PTCD3: variants seen among roughly 807,000 people sequenced by gnomAD.
The protein encoded by PTCD3 is pentatricopeptide repeat domain 3.
A neutral mutation model predicts 101.9 loss-of-function variants in PTCD3; 89 were observed. That is an observed-to-expected ratio of 0.87 (90% CI 0.74 to 1.04). The LOEUF is 1.04. PTCD3 is among the 50% of genes least tolerant of loss of function. The pLI, the probability that PTCD3 is intolerant of heterozygous loss-of-function variation, is 0.00. For synonymous variants in PTCD3, 296 were observed against 278.5 expected (o/e 1.06, Z -0.63); for missense variants, 870 against 828.2 (o/e 1.05, Z -0.62).
chr2:86,135,084 A>T, intron 21 of PTCD3, 97 bp downstream of exon 21: 1 of 1,356,196 alleles, frequency 7.4e-7, no homozygotes, highest in Non-Finnish European at 1.0e-6. Context: ...TTGGCCACAT[A>T]ACACGTATTT....
chr2:86,120,406 T>A (rs1453631745), intron 7 of PTCD3, among the ~76,000 whole-genome samples: 1 of 152,138 alleles, frequency 6.6e-6, no homozygotes, highest in Non-Finnish European at 1.5e-5. Flanking sequence ...AATTCTACAA[T>A]ACCTTATTCA....
chr2:86,120,321 G>A (rs898453461), intron 7 of PTCD3, among the ~76,000 whole-genome samples: 1 of 152,142 alleles, frequency 6.6e-6, no homozygotes, highest in Non-Finnish European at 1.5e-5. Flanking sequence ...AACATACCAG[G>A]GAAAGGATCC....
At chr2:86,116,365 C>T (rs549070024) in intron 4 of PTCD3, among the ~76,000 whole-genome samples, 165 bp from the exon 5 acceptor site, 28 of 152,234 alleles carry the variant, frequency 1.8e-4, no homozygotes, top group Admixed American at 3.3e-4. Flanking sequence ...GCAAGACACC[C>T]TCTCTGCAAA....
intron 10 of PTCD3, 137 bp downstream of exon 10, chr2:86,125,219 G>C: frequency 7.2e-7 from 1 of 1,396,910 alleles, no homozygotes; most frequent in Non-Finnish European, 9.5e-7. Flanking sequence ...TAGCTCCCTG[G>C]CTTCTACCCA....
Position 86,141,047 on chromosome 2 carries a change from A to G in PTCD3, c.*3488A>G, listed in dbSNP as rs1163438311. ...AGAGTGTCCAAGAGGAGTAAAGGTCATGACAGAATTTACTCCCAGGACAAT... is the reference window on the plus strand; with the variant it reads ...AGAGTGTCCAAGAGGAGTAAAGGTCGTGACAGAATTTACTCCCAGGACAAT... On this transcript the variant is annotated 3_prime_UTR_variant, in exon 24 of 24. Coordinates refer to ENST00000254630, the MANE Select transcript of PTCD3 (RefSeq NM_017952.6). The G allele has an allele frequency of 6.6e-6, 1 of 150,838 alleles. No homozygotes were observed. The highest frequency in any genetic ancestry group is 2.5e-5 in the African/African-American group (1 of 40,114). The allele number at this position is 150,838 out of a possible 1,614,324, so 9.3% of individuals were successfully genotyped here. A position where few individuals can be genotyped will look rare whatever the true frequency, so the allele number is the denominator to read the frequency against.
Position 86,106,285 on chromosome 2 carries a change from G to C in PTCD3, c.38G>C (p.Arg13Pro), listed in dbSNP as rs764621355. The change falls in exon 1 of 24, where the codon CGC (arginine) becomes CCC (proline). Residue 13 changes from arginine (R) to proline (P), a missense_variant. Arg to Pro is a moderately radical substitution (Grantham distance 103). Transcript: ENST00000254630. ...VVSAVRWLGL[R>P]SRLGQPLTGR... is the part of the protein sequence containing the mutation. ...TCTGCTGTTCGCTGGCTGGGCCTCC[G>C]CAGCAGGCTTGGCCAGCCGCTGACG... is the stretch of plus-strand genomic sequence containing the variant. 1.2e-6 allele frequency: 2 copies of C among 1,613,668 alleles called. No homozygotes were observed. The highest frequency in any genetic ancestry group is 1.7e-6 in the Non-Finnish European group (2 of 1,179,950).
chr2:86,106,462 C>A, intron 1 of PTCD3, 111 bp downstream of exon 1: 1 of 1,135,554 alleles, frequency 8.8e-7, no homozygotes. Flanking sequence ...CATGCGCGCC[C>A]TTAACGGTCG....
At chr2:86,136,068 G>C (rs1674579587) in intron 21 of PTCD3, 2 of 517,446 alleles carry the variant, frequency 3.9e-6, no homozygotes, top group Non-Finnish European at 7.7e-6. Context: ...GAGGGAAACA[G>C]CAGGTTCTGT....
At chr2:86,127,364 G>A (rs183565905) in intron 13 of PTCD3, 59 bp downstream of exon 13, 101 of 1,518,814 alleles carry the variant, frequency 6.6e-5, no homozygotes, top group Middle Eastern at 1.8e-4. Flanking sequence ...GAGGTTTCAG[G>A]GCTACATAAG....
At chr2:86,122,426 C>G (rs528717188) in intron 8 of PTCD3, among the ~76,000 whole-genome samples, 1 of 152,262 alleles carries the variant, frequency 6.6e-6, no homozygotes, top group African/African-American at 2.4e-5. Flanking sequence ...TTGTTTCCCC[C>G]TCAGAGACAG....
chr2:86,133,179 T>C lies in PTCD3; in HGVS notation c.1375T>C (p.Ser459Pro). The change falls in exon 18 of 24, where the codon TCC (serine) becomes CCC (proline). Residue 459 changes from serine (S) to proline (P), a missense_variant and splice_region_variant. Physicochemically the swap from Ser to Pro is moderately conservative, Grantham distance 74. Transcript: ENST00000254630. ...ACATACTTTTTGCCTTCATCACAGTTCCAAGTTCTTCGATTTGATTTGTCT... is the reference window on the plus strand; with the variant it reads ...ACATACTTTTTGCCTTCATCACAGTCCCAAGTTCTTCGATTTGATTTGTCT... ...GPDQHRNFYY[S>P]KFFDLICLME... 1 of 1,613,748 alleles carries C rather than the reference T, an allele frequency of 6.2e-7. No homozygotes were observed. The highest frequency in any genetic ancestry group is 8.5e-7 in the Non-Finnish European group (1 of 1,179,878).
In PTCD3 at chr2:86,134,272, T is replaced by G; in HGVS notation, c.1544-20T>G. ...GTTTTACATAACAATGATCACTCCT[T>G]GTTCCTTTCTTGTTTCAAGATAGTA... is the stretch of plus-strand genomic sequence containing the variant. On this transcript the variant is annotated intron_variant, in intron 19 of 23. Coordinates refer to ENST00000254630, the MANE Select transcript of PTCD3 (RefSeq NM_017952.6). 1 of 1,562,060 alleles carries G rather than the reference T, an allele frequency of 6.4e-7. No individual in the cohort carries two copies. Among genetic ancestry groups the G allele is most frequent in the Non-Finnish European group, 8.8e-7 (1 of 1,133,704 alleles).
chr2:86,114,321 T>C (rs1674142972), intron 4 of PTCD3, among the ~76,000 whole-genome samples: 1 of 151,814 alleles, frequency 6.6e-6, no homozygotes, highest in African/African-American at 2.4e-5. Flanking sequence ...GGAGTCTCCC[T>C]CTGTCACCCA....
At chr2:86,114,502 A>G (rs370870013) in intron 4 of PTCD3, among the ~76,000 whole-genome samples, 3 of 152,126 alleles carry the variant, frequency 2.0e-5, no homozygotes, top group East Asian at 3.9e-4. Context: ...GTTAGCCAGG[A>G]TGGGGGTAAA....
At chr2:86,135,819 C>G (rs1300456798) in intron 21 of PTCD3, 1 of 476,402 alleles carries the variant, frequency 2.1e-6, no homozygotes, top group Non-Finnish European at 4.2e-6. Context: ...AGACGTATGA[C>G]ATTTGCATTT....
chr2:86,127,344 G>A, intron 13 of PTCD3, 39 bp downstream of exon 13: 1 of 1,587,482 alleles, frequency 6.3e-7, no homozygotes, highest in Non-Finnish European at 8.6e-7. Flanking sequence ...GACAGAGACT[G>A]TGCCAGCCAG....
rs1353337270 is a variant in PTCD3 at position 86,132,919 on chromosome 2, T to G, written c.1374-259T>G. ...ACATTGAATGTTTTTAAAATGAATT[T>G]GAAATTCAGTATCTATTCACCATGA... On this transcript the variant is annotated intron_variant, in intron 17 of 23. Coordinates refer to ENST00000254630, the MANE Select transcript of PTCD3 (RefSeq NM_017952.6). The G allele has an allele frequency of 2.5e-5, 12 of 472,754 alleles. No individual in the cohort carries two copies. In the East Asian group the frequency reaches 4.2e-4, roughly 17 times the overall value. The allele number at this position is 472,754 out of a possible 1,614,324, so 29.3% of individuals were successfully genotyped here.
At chr2:86,125,639 T>G in intron 11 of PTCD3, 124 bp downstream of exon 11, 1 of 1,158,128 alleles carries the variant, frequency 8.6e-7, no homozygotes, top group Non-Finnish European at 1.3e-6. Flanking sequence ...CGTAGATGAT[T>G]GAAGCAAGAG....
At chr2:86,107,648 C>T (rs553729197) in intron 1 of PTCD3, among the ~76,000 whole-genome samples, 2 of 152,260 alleles carry the variant, frequency 1.3e-5, no homozygotes, top group East Asian at 3.9e-4. Flanking sequence ...TCATATTGAA[C>T]CTCTGAAAAT....
Sources: gnomAD v4.1 joint callset for allele counts (sites outside exome capture counted in the v4.1 genomes callset) on GRCh38, gnomAD v4.1.1 for gene constraint, MANE v1.5 for transcripts, NCBI Gene and HGNC (gene_info 2026-07-23, HGNC 2026-07-21) for gene names.